Variants in GCLC observed in about 807,000 individuals in gnomAD.
The protein encoded by GCLC is glutamate--cysteine ligase catalytic subunit.
GCLC carries 30 observed loss-of-function variants against 81.5 expected under a neutral mutation model. The observed-to-expected ratio is 0.37, with a 90% CI of 0.28 to 0.50. The LOEUF is 0.50. Ranked by LOEUF, GCLC falls within the 20% of genes least tolerant of loss-of-function variation. The probability of loss-of-function intolerance (pLI) is 0.96; values close to 1 mark genes in which losing one functional copy is unlikely to be tolerated. For synonymous variants in GCLC, 262 were observed against 273.3 expected (o/e 0.96, Z 0.41); for missense variants, 556 against 777.4 (o/e 0.72, Z 3.39).
At chr6:53,507,376 C>G in intron 9 of GCLC, 104 bp downstream of exon 9, 1 of 1,063,290 alleles carries the variant, frequency 9.4e-7, no homozygotes, top group South Asian at 1.3e-5. Flanking sequence ...AAAGACTTTG[C>G]ACTAAAAATA....
intron 1 of GCLC, chr6:53,522,926 A>T (rs1763022880): frequency 8.8e-6 from 2 of 228,172 alleles, no homozygotes; most frequent in South Asian, 1.3e-4. Flanking sequence ...TTATCTGGAC[A>T]TTCCAGTCAA....
At position 53,500,415 on chromosome 6, in the gene GCLC, C is replaced by A; in HGVS notation, c.1477+17G>T. 6.2e-7 allele frequency: 1 copy of A among 1,602,870 alleles called. No homozygotes were observed. Among genetic ancestry groups the A allele is most frequent in the East Asian group, 2.2e-5 (1 of 44,830 alleles). ...TGCAGCATAAGCTGACATTAGAAATCTAAGATAATGTAATACCTTTGCAAA... is the reference window on the plus strand; with the variant it reads ...TGCAGCATAAGCTGACATTAGAAATATAAGATAATGTAATACCTTTGCAAA... On this transcript the variant is annotated intron_variant, in intron 13 of 15. Coordinates refer to ENST00000650454, the MANE Select transcript of GCLC (RefSeq NM_001498.4).
intron 3 of GCLC, 26 bp from the exon 4 acceptor site, chr6:53,516,248 G>T (rs183710003): frequency 9.4e-5 from 130 of 1,375,930 alleles, no homozygotes; most frequent in Admixed American, 7.4e-4. Context: ...GAACTAAATA[G>T]ATGGGATTTG....
chr6:53,518,157 A>G (rs937052463), intron 3 of GCLC, among the ~76,000 whole-genome samples: 2 of 152,028 alleles, frequency 1.3e-5, no homozygotes, highest in Non-Finnish European at 2.9e-5. Context: ...TATACATATA[A>G]TTTTTTCTAA....
chr6:53,541,166 G>A (rs767728899), intron 1 of GCLC, among the ~76,000 whole-genome samples: 116 of 152,244 alleles, frequency 7.6e-4, no homozygotes, highest in Non-Finnish European at 1.2e-3. Flanking sequence ...GCGGTGAGCC[G>A]AGATCACGTC....
rs1764608332 is a variant in GCLC at position 53,506,041 on chromosome 6, T to C, written c.1198-146A>G. ...AAGACAAAAAGGTACAATTGAAGAT[T>C]TTCTTCGAGTGTGCTCTTTTAGGAA... On this transcript the variant is annotated intron_variant, in intron 10 of 15. Coordinates refer to ENST00000650454, the MANE Select transcript of GCLC (RefSeq NM_001498.4). The surrounding 1 kb of genome is among the most constrained non-coding windows in gnomAD (Gnocchi z 4.0). The C allele has an allele frequency of 3.0e-6, 2 of 677,536 alleles. No individual in the cohort carries two copies. Among genetic ancestry groups the C allele is most frequent in the South Asian group, 1.5e-5 (1 of 64,906 alleles). The allele number at this position is 677,536 out of a possible 1,614,324, so 42.0% of individuals were successfully genotyped here.
intron 6 of GCLC, among the ~76,000 whole-genome samples, chr6:53,512,456 C>T (rs966970994): frequency 1.3e-5 from 2 of 151,334 alleles, no homozygotes; most frequent in African/African-American, 4.9e-5. Context: ...TTTCAGGGCA[C>T]ATGTGATAAT....
chr6:53,502,378 G>T (rs1446250490), intron 12 of GCLC, among the ~76,000 whole-genome samples: 2 of 152,160 alleles, frequency 1.3e-5, no homozygotes, highest in Non-Finnish European at 2.9e-5. Flanking sequence ...GATACATGTG[G>T]GAAACTGAGG....
At chr6:53,511,630 T>G (rs917196689) in intron 6 of GCLC, among the ~76,000 whole-genome samples, 1 of 152,098 alleles carries the variant, frequency 6.6e-6, no homozygotes, top group Non-Finnish European at 1.5e-5. Flanking sequence ...ACAGCTGATA[T>G]GCAATCAAAT....
At chr6:53,517,172 G>C (rs995753235) in intron 3 of GCLC, among the ~76,000 whole-genome samples, 2 of 137,484 alleles carry the variant, frequency 1.5e-5, no homozygotes, top group Non-Finnish European at 3.0e-5. Context: ...GTGCAGCCTT[G>C]AACTCCTGGG....
At chr6:53,538,714 A>G (rs1029290084) in intron 1 of GCLC, among the ~76,000 whole-genome samples, 1 of 152,198 alleles carries the variant, frequency 6.6e-6, no homozygotes. Flanking sequence ...ACACATAAGA[A>G]CATGCTCATA....
Position 53,541,203 on chromosome 6 carries a change from C to T in GCLC, c.150+3293G>A, listed in dbSNP as rs543108033. ...TGCACTCCAGCCTGGGTGACAAGAG[C>T]GAGACTCCGTCTCAAAAAAAAGAAA... On this transcript the variant is annotated intron_variant, in intron 1 of 15. Transcript: ENST00000650454. Among the ~76,000 whole-genome samples, 7 of 151,980 alleles carry T rather than the reference C, an allele frequency of 4.6e-5. 1 individual carries two copies. Among genetic ancestry groups the T allele is most frequent in the Middle Eastern group, 3.4e-3 (1 of 294 alleles).
At chr6:53,517,079 A>ATTTTTCT (rs1554152569) in intron 3 of GCLC, among the ~76,000 whole-genome samples, 2 of 104,432 alleles carry the variant, frequency 1.9e-5, no homozygotes, top group African/African-American at 3.9e-5. Context: ...TTAAAAAAAA[A>ATTTTTCT]TTTTTTTTTT....
chr6:53,502,241 A>G (rs536865403), intron 12 of GCLC, among the ~76,000 whole-genome samples: 1 of 152,286 alleles, frequency 6.6e-6, no homozygotes, highest in South Asian at 2.1e-4. Context: ...TAATTCCCCC[A>G]TGGCCTTTCC....
At chr6:53,535,933 G>C (rs775278398) in intron 1 of GCLC, among the ~76,000 whole-genome samples, 13 of 152,300 alleles carry the variant, frequency 8.5e-5, no homozygotes, top group Non-Finnish European at 1.8e-4. Context: ...TTAACAACAC[G>C]CTACTCCTAG....
At chr6:53,504,190 T>C (rs1561938561) in intron 12 of GCLC, among the ~76,000 whole-genome samples, 1 of 150,198 alleles carries the variant, frequency 6.7e-6, no homozygotes, top group Non-Finnish European at 1.5e-5. Context: ...TTTAAAAGTA[T>C]TTTTTAAAAA....
rs372805789 is a variant in GCLC at position 53,522,558 on chromosome 6, A to G, written c.151-31T>C. 88 of 1,371,660 alleles carry G rather than the reference A, an allele frequency of 6.4e-5. No individual in the cohort carries two copies. The African/African-American group carries it at 9.0e-4, about 14-fold the overall frequency. 85.0% of individuals were successfully genotyped at this position (1,371,660 alleles called of 1,614,324 possible). On this transcript the variant is annotated intron_variant, in intron 1 of 15. Coordinates refer to ENST00000650454, the MANE Select transcript of GCLC (RefSeq NM_001498.4). Reference sequence around the variant, plus strand: ...GAAAATAAAGGTGAGAAAAATTAACATTCTTCCAGACTTGTTTTCAGTGTG... The same window carrying G: ...GAAAATAAAGGTGAGAAAAATTAACGTTCTTCCAGACTTGTTTTCAGTGTG...
chr6:53,515,645 C>T (rs1764855639), intron 4 of GCLC, among the ~76,000 whole-genome samples: 1 of 152,176 alleles, frequency 6.6e-6, no homozygotes, highest in South Asian at 2.1e-4. Flanking sequence ...AACAAACCAA[C>T]AGAACTTGAA....
chr6:53,544,727 C>G lies in GCLC; in HGVS notation c.-82G>C, dbSNP rs1433581414. 3 of 1,363,648 alleles carry G rather than the reference C, an allele frequency of 2.2e-6. No individual in the cohort carries two copies. The highest frequency in any genetic ancestry group is 5.3e-5 in the East Asian group (2 of 38,008). 84.5% of individuals were successfully genotyped at this position (1,363,648 alleles called of 1,614,324 possible). On this transcript the variant is annotated 5_prime_UTR_variant, in exon 1 of 16. Coordinates refer to ENST00000650454, the MANE Select transcript of GCLC (RefSeq NM_001498.4). ...GGCGCGAGACGGACACTCAGCCGCC[C>G]GCAGAAGGCGGCTGCCGCTCCACCC...
Sources: allele counts gnomAD v4.1 joint callset (sites outside exome capture counted in the v4.1 genomes callset), GRCh38; gene constraint gnomAD v4.1.1; non-coding constraint Gnocchi (gnomAD v3.1); transcripts MANE v1.5; gene names NCBI Gene and HGNC (gene_info 2026-07-23, HGNC 2026-07-21).